RABGAP1L: variants seen among roughly 807,000 people sequenced by gnomAD.
RABGAP1L encodes the protein rab GTPase-activating protein 1-like.
In RABGAP1L, 63 loss-of-function variants were observed where a neutral mutation model predicts 137.7. The ratio of observed to expected loss-of-function variants is 0.46; its 90% CI spans 0.37 to 0.56. The LOEUF (loss-of-function observed/expected upper bound fraction) is 0.56, where lower values mean the gene tolerates loss of function less well. RABGAP1L is among the 20% of genes least tolerant of loss of function. The pLI, the probability that RABGAP1L is intolerant of heterozygous loss-of-function variation, is 0.00. For synonymous variants in RABGAP1L, 431 were observed against 433.7 expected (o/e 0.99, Z 0.08); for missense variants, 1,095 against 1,244.0 (o/e 0.88, Z 1.80).
intron 13 of RABGAP1L, among the ~76,000 whole-genome samples, chr1:174,458,403 G>A (rs918598029): frequency 1.3e-5 from 2 of 151,760 alleles, no homozygotes; most frequent in Admixed American, 6.6e-5. Flanking sequence ...AATGCCCTTT[G>A]TATGCTACTC....
intron 13 of RABGAP1L, among the ~76,000 whole-genome samples, chr1:174,596,270 T>G (rs1470137513): frequency 6.6e-6 from 1 of 150,488 alleles, no homozygotes; most frequent in Non-Finnish European, 1.5e-5. Flanking sequence ...CCTAGTGAGA[T>G]GAACCCGGTA....
intron 13 of RABGAP1L, among the ~76,000 whole-genome samples, chr1:174,566,511 G>A (rs1202631559): frequency 1.3e-5 from 2 of 152,072 alleles, no homozygotes; most frequent in Non-Finnish European, 2.9e-5. Context: ...TCCCTGTTAG[G>A]CAAGGAACCA....
intron 13 of RABGAP1L, among the ~76,000 whole-genome samples, chr1:174,630,290 T>G (rs572558444): frequency 0.022 from 2,168 of 96,728 alleles, 32 homozygotes; most frequent in Middle Eastern, 0.088. Flanking sequence ...TGGATTCGGT[T>G]TGCCAGTATT....
chr1:174,570,358 T>C (rs1275443554), intron 13 of RABGAP1L, among the ~76,000 whole-genome samples: 1 of 152,228 alleles, frequency 6.6e-6, no homozygotes. Flanking sequence ...CTTTATATCT[T>C]AGTGACTAGT....
At chr1:174,750,192 T>C (rs1470255868) in intron 17 of RABGAP1L, among the ~76,000 whole-genome samples, 3 of 152,216 alleles carry the variant, frequency 2.0e-5, no homozygotes, top group Non-Finnish European at 4.4e-5. Context: ...TATGTGATGC[T>C]ATACTTAGAA....
chr1:174,242,282 T>C (rs1671890404), intron 5 of RABGAP1L, among the ~76,000 whole-genome samples: 1 of 152,198 alleles, frequency 6.6e-6, no homozygotes, highest in African/African-American at 2.4e-5. Context: ...TTAGGAGAAA[T>C]GGTTTAGATT....
chr1:174,887,031 C>G (rs890563597), intron 19 of RABGAP1L, among the ~76,000 whole-genome samples: 8 of 152,158 alleles, frequency 5.3e-5, no homozygotes, highest in African/African-American at 1.9e-4. Flanking sequence ...TTTCAAACTC[C>G]TGACCTCAAG....
intron 4 of RABGAP1L, among the ~76,000 whole-genome samples, chr1:174,237,916 C>T (rs1460886057): frequency 6.0e-5 from 9 of 150,538 alleles, no homozygotes; most frequent in African/African-American, 1.7e-4. Context: ...ACCAATCAGA[C>T]GTAGATTTGG....
At chr1:174,341,459 A>T (rs1022120178) in intron 11 of RABGAP1L, among the ~76,000 whole-genome samples, 39 of 152,316 alleles carry the variant, frequency 2.6e-4, no homozygotes, top group African/African-American at 9.4e-4. Flanking sequence ...GGCATTGGAT[A>T]GGAGAGAATA....
At chr1:174,875,485 C>T (rs1652932958) in intron 19 of RABGAP1L, 1 of 978,298 alleles carries the variant, frequency 1.0e-6, no homozygotes, top group Non-Finnish European at 1.2e-6. Context: ...GTGGGAAGTA[C>T]TTTCTTTACC....
At chr1:174,687,163 G>C (rs1390786257) in intron 15 of RABGAP1L, among the ~76,000 whole-genome samples, 2 of 152,122 alleles carry the variant, frequency 1.3e-5, no homozygotes, top group African/African-American at 4.8e-5. Flanking sequence ...GAGAAAGAGA[G>C]AGATTCAAAT....
intron 13 of RABGAP1L, among the ~76,000 whole-genome samples, chr1:174,541,301 G>T (rs1285982122): frequency 6.6e-6 from 1 of 152,084 alleles, no homozygotes; most frequent in African/African-American, 2.4e-5. Flanking sequence ...CTGCCTGACT[G>T]CCCTGGCCAG....
chr1:174,324,739 A>G (rs939414464), intron 11 of RABGAP1L, among the ~76,000 whole-genome samples: 2 of 152,180 alleles, frequency 1.3e-5, no homozygotes, highest in Non-Finnish European at 1.5e-5. Context: ...AAAAATGATG[A>G]CAATATGAGA....
At chr1:174,438,999 A>T (rs558316191) in intron 13 of RABGAP1L, among the ~76,000 whole-genome samples, 2 of 151,290 alleles carry the variant, frequency 1.3e-5, no homozygotes, top group South Asian at 4.2e-4. Flanking sequence ...TCTTGGGAAG[A>T]CATTTTAGTA....
chr1:174,525,504 T>C (rs1184770685), intron 13 of RABGAP1L, among the ~76,000 whole-genome samples: 2 of 152,206 alleles, frequency 1.3e-5, no homozygotes, highest in Non-Finnish European at 2.9e-5. Flanking sequence ...TCTGCAACTT[T>C]ACTGAATCTG....
chr1:174,920,616 G>A (rs1661635311), intron 19 of RABGAP1L, among the ~76,000 whole-genome samples: 1 of 152,280 alleles, frequency 6.6e-6, no homozygotes, highest in African/African-American at 2.4e-5. Context: ...AGTATAGTCA[G>A]CATCTCAGAA....
At chr1:174,441,402 C>T (rs964328338) in intron 13 of RABGAP1L, among the ~76,000 whole-genome samples, 1 of 151,906 alleles carries the variant, frequency 6.6e-6, no homozygotes, top group African/African-American at 2.4e-5. Context: ...TATTATAATC[C>T]TATCGGAAAA....
At chr1:174,941,031 A>G (rs1166150995) in intron 19 of RABGAP1L, among the ~76,000 whole-genome samples, 4 of 151,992 alleles carry the variant, frequency 2.6e-5, no homozygotes, top group Non-Finnish European at 5.9e-5. Flanking sequence ...CCTCACCCAA[A>G]CAGAACTGCT....
intron 13 of RABGAP1L, among the ~76,000 whole-genome samples, chr1:174,539,786 A>G (rs1373053088): frequency 6.6e-6 from 1 of 152,238 alleles, no homozygotes; most frequent in East Asian, 1.9e-4. Flanking sequence ...AGCATGATTT[A>G]TAATCCTTCG....
Sources: gnomAD v4.1 joint callset for allele counts (sites outside exome capture counted in the v4.1 genomes callset) on GRCh38, gnomAD v4.1.1 for gene constraint, MANE v1.5 for transcripts, NCBI Gene and HGNC (gene_info 2026-07-23, HGNC 2026-07-21) for gene names.